NKAIN2: variants seen among roughly 807,000 people sequenced by gnomAD.
The protein encoded by NKAIN2 is sodium/potassium transporting ATPase interacting 2, also known as sodium/potassium-transporting ATPase subunit beta-1-interacting protein 2.
In NKAIN2, 14 loss-of-function variants were observed where a neutral mutation model predicts 32.6. The observed-to-expected ratio is 0.43, with a 90% CI of 0.28 to 0.67. The LOEUF (loss-of-function observed/expected upper bound fraction) is 0.67. NKAIN2 is among the 30% of genes least tolerant of loss of function. NKAIN2 has a pLI of 0.17. For synonymous variants in NKAIN2, 80 were observed against 87.2 expected (o/e 0.92, Z 0.46); for missense variants, 198 against 258.3 (o/e 0.77, Z 1.60).
chr6:124,442,966 C>G (rs1775749584), intron 3 of NKAIN2, among the ~76,000 whole-genome samples: 1 of 152,088 alleles, frequency 6.6e-6, no homozygotes, highest in Non-Finnish European at 1.5e-5. Context: ...AAGCTGACAG[C>G]CCTTCATGTC....
chr6:123,913,344 T>C (rs923832278), intron 1 of NKAIN2, among the ~76,000 whole-genome samples: 3 of 152,176 alleles, frequency 2.0e-5, no homozygotes, highest in Non-Finnish European at 4.4e-5. Context: ...AGAATGGAAC[T>C]CAAAGGAAGC....
intron 4 of NKAIN2, among the ~76,000 whole-genome samples, chr6:124,718,057 CT>C (rs1228343600): frequency 6.6e-6 from 1 of 151,960 alleles, no homozygotes; most frequent in African/African-American, 2.4e-5. Context: ...TGCACGTTGT[CT>C]TTTTTTTAAC....
rs1178358729 is a variant in NKAIN2, at chr6:124,687,405, G to A, written c.474+29019G>A. Among the ~76,000 whole-genome samples the A allele has an allele frequency of 1.9e-4, 18 of 92,744 alleles. 1 individual carries two copies. The highest frequency in any genetic ancestry group is 6.4e-4 in the African/African-American group (15 of 23,532). The allele number at this position is 92,744 out of a possible 152,430, so 60.8% of individuals were successfully genotyped here. On this transcript the variant is annotated intron_variant, in intron 4 of 6. Transcript: ENST00000368417. ...ATATATATATTCCATGTATGTGTAT[G>A]TATGGAATATATATATTCCATGTAT... is the stretch of plus-strand genomic sequence containing the variant.
Position 124,224,097 on chromosome 6 carries a change from T to TG in NKAIN2, c.55-58901dup, listed in dbSNP as rs1274947441. Among the ~76,000 whole-genome samples, 7 of 152,094 alleles carry TG rather than the reference T, an allele frequency of 4.6e-5. No individual in the cohort carries two copies. The South Asian group carries it at 8.3e-4, about 18-fold the overall frequency. On this transcript the variant is annotated intron_variant, in intron 1 of 6. Coordinates refer to ENST00000368417, the MANE Select transcript of NKAIN2 (RefSeq NM_001040214.3). ...AGATGACAACTGATACTTCTGTGTA[T>TG]GGGGGGGATGTGTGCATAGACATAT... is the stretch of plus-strand genomic sequence containing the variant.
At chr6:124,524,711 T>A (rs1779247633) in intron 3 of NKAIN2, among the ~76,000 whole-genome samples, 1 of 152,218 alleles carries the variant, frequency 6.6e-6, no homozygotes, top group Non-Finnish European at 1.5e-5. Flanking sequence ...GACTCCTGTT[T>A]CAATTTTTTG....
At chr6:123,842,796 G>T (rs1774928685) in intron 1 of NKAIN2, among the ~76,000 whole-genome samples, 1 of 152,090 alleles carries the variant, frequency 6.6e-6, no homozygotes, top group South Asian at 2.1e-4. Flanking sequence ...CTTAGTCTGA[G>T]TGTCTGTAGT....
intron 5 of NKAIN2, among the ~76,000 whole-genome samples, chr6:124,806,629 C>T (rs1005577623): frequency 9.9e-5 from 15 of 151,816 alleles, no homozygotes; most frequent in Admixed American, 8.5e-4. Flanking sequence ...TTCAAATTCA[C>T]ACATAACAAT....
In NKAIN2 at chr6:124,634,096, G is replaced by GA. The variant is rs61163485; in HGVS notation, c.274-24078dup. Among the ~76,000 whole-genome samples the GA allele has an allele frequency of 4.2e-3, 607 of 142,904 alleles. 8 individuals are homozygous for GA. The highest frequency in any genetic ancestry group is 0.04 in the East Asian group (199 of 4,934). The allele number at this position is 142,904 out of a possible 152,430, so 93.8% of individuals were successfully genotyped here. ...GAACACCATAGATACATCTACAGGG[G>GA]AAAAAAAAAAAATTTCCTAGAAAAG... On this transcript the variant is annotated intron_variant, in intron 3 of 6. Coordinates refer to ENST00000368417, the MANE Select transcript of NKAIN2 (RefSeq NM_001040214.3).
intron 3 of NKAIN2, among the ~76,000 whole-genome samples, chr6:124,532,043 T>C (rs1779545856): frequency 1.3e-5 from 2 of 152,200 alleles, no homozygotes; most frequent in African/African-American, 4.8e-5. Flanking sequence ...CAGAGCTGTC[T>C]GATTTAGTAG....
At chr6:124,345,043 G>T (rs546676517) in intron 2 of NKAIN2, among the ~76,000 whole-genome samples, 6 of 152,186 alleles carry the variant, frequency 3.9e-5, no homozygotes, top group South Asian at 2.1e-4. Context: ...TTAGCATGAA[G>T]GGTTGTTGAA....
At chr6:124,677,856 C>T (rs1230830227) in intron 4 of NKAIN2, among the ~76,000 whole-genome samples, 1 of 152,078 alleles carries the variant, frequency 6.6e-6, no homozygotes, top group African/African-American at 2.4e-5. Context: ...CCTTTCATTT[C>T]CACTTAAAGG....
chr6:123,877,350 A>G (rs938372549), intron 1 of NKAIN2, among the ~76,000 whole-genome samples: 1 of 152,180 alleles, frequency 6.6e-6, no homozygotes, highest in Non-Finnish European at 1.5e-5. Context: ...CCATCCTTGT[A>G]TTATTGGGGT....
At chr6:124,038,985 G>A (rs1781736124) in intron 1 of NKAIN2, among the ~76,000 whole-genome samples, 1 of 151,992 alleles carries the variant, frequency 6.6e-6, no homozygotes, top group Non-Finnish European at 1.5e-5. Context: ...AGTTTTCATG[G>A]TCATGGTTAA....
chr6:124,135,596 A>G (rs1016282599), intron 1 of NKAIN2, among the ~76,000 whole-genome samples: 3 of 151,832 alleles, frequency 2.0e-5, no homozygotes, highest in African/African-American at 7.2e-5. Context: ...AATTCTAAAT[A>G]TATATGCACC....
At chr6:124,586,294 C>A (rs930763839) in intron 3 of NKAIN2, among the ~76,000 whole-genome samples, 4 of 152,162 alleles carry the variant, frequency 2.6e-5, no homozygotes, top group African/African-American at 9.7e-5. Context: ...AACTCTCATA[C>A]ATCAGAATGC....
At chr6:123,907,688 C>A (rs558652090) in intron 1 of NKAIN2, among the ~76,000 whole-genome samples, 5 of 152,124 alleles carry the variant, frequency 3.3e-5, no homozygotes, top group Non-Finnish European at 7.3e-5. Flanking sequence ...CTCTCACCCC[C>A]CACTGCTGCC....
chr6:123,966,586 T>C (rs561323717), intron 1 of NKAIN2, among the ~76,000 whole-genome samples: 11 of 152,272 alleles, frequency 7.2e-5, no homozygotes, highest in African/African-American at 2.2e-4. Flanking sequence ...GACTAAACTT[T>C]CCAAGGAAAA....
intron 2 of NKAIN2, among the ~76,000 whole-genome samples, chr6:124,312,141 A>T (rs544199837): frequency 6.6e-6 from 1 of 152,164 alleles, no homozygotes; most frequent in Admixed American, 6.6e-5. Context: ...ATGCTATGCT[A>T]TGGTCATCCT....
chr6:124,133,851 A>G (rs1450899973), intron 1 of NKAIN2, among the ~76,000 whole-genome samples: 1 of 151,952 alleles, frequency 6.6e-6, no homozygotes, highest in Non-Finnish European at 1.5e-5. Flanking sequence ...AGGGGAAAAA[A>G]GAAATTTAAA....
Sources: allele counts gnomAD v4.1 joint callset (sites outside exome capture counted in the v4.1 genomes callset), GRCh38; gene constraint gnomAD v4.1.1; transcripts MANE v1.5; gene names NCBI Gene and HGNC (gene_info 2026-07-23, HGNC 2026-07-21).